Variants in ANKDD1B observed in about 807,000 individuals in gnomAD.
ANKDD1B encodes ankyrin repeat and death domain containing 1B.
In ANKDD1B, 57 loss-of-function variants were observed where a neutral mutation model predicts 59.7. That is an observed-to-expected ratio of 0.95 (90% confidence interval 0.77 to 1.19). The LOEUF (loss-of-function observed/expected upper bound fraction) is 1.19, where lower values mean the gene tolerates loss of function less well. Among genes scored for constraint, ANKDD1B ranks in the 50% most tolerant of loss-of-function variants. The pLI is 0.00. For missense variants in ANKDD1B, 602 were observed against 641.9 expected, an observed-to-expected ratio of 0.94 and a Z score of 0.67; for synonymous variants, 216 against 239.5, an observed-to-expected ratio of 0.90 and a Z score of 0.91.
chr5:75,629,129 C>A (rs943296817), intron 5 of ANKDD1B, among the ~76,000 whole-genome samples: 2 of 152,100 alleles, frequency 1.3e-5, no homozygotes, highest in Non-Finnish European at 2.9e-5. Context: ...GAGAAGACAC[C>A]TGTTTTCTTA....
At chr5:75,670,098 A>G (rs1409502660) in intron 13 of ANKDD1B, among the ~76,000 whole-genome samples, 1 of 152,212 alleles carries the variant, frequency 6.6e-6, no homozygotes, top group Non-Finnish European at 1.5e-5. Context: ...CAATGTGTGG[A>G]TACTTACCTT....
chr5:75,667,262 C>G (rs960660982), intron 12 of ANKDD1B, among the ~76,000 whole-genome samples: 3 of 152,116 alleles, frequency 2.0e-5, no homozygotes, highest in Non-Finnish European at 4.4e-5. Flanking sequence ...TGCATTTAGC[C>G]TAGAGAGACA....
chr5:75,670,267 A>C (rs1233837288), intron 13 of ANKDD1B, among the ~76,000 whole-genome samples: 2 of 152,222 alleles, frequency 1.3e-5, no homozygotes, highest in Non-Finnish European at 2.9e-5. Context: ...TCACTCTAGT[A>C]TATTGACTTT....
chr5:75,649,420 A>T (rs984780537), intron 7 of ANKDD1B, among the ~76,000 whole-genome samples: 1 of 152,110 alleles, frequency 6.6e-6, no homozygotes, highest in African/African-American at 2.4e-5. Context: ...AATGTCAATT[A>T]AATATTTATT....
intron 11 of ANKDD1B, among the ~76,000 whole-genome samples, chr5:75,664,886 T>C (rs1775266279): frequency 6.6e-6 from 1 of 152,070 alleles, no homozygotes; most frequent in South Asian, 2.1e-4. Flanking sequence ...GTGGGAGAAA[T>C]ACTTGTTTTT....
At chr5:75,631,214 G>A (rs116513541) in intron 5 of ANKDD1B, among the ~76,000 whole-genome samples, 1,623 of 152,306 alleles carry the variant, frequency 0.011, 38 homozygotes, top group African/African-American at 0.037. Context: ...TAGGGCACAA[G>A]ACCTTCATGT....
intron 11 of ANKDD1B, among the ~76,000 whole-genome samples, chr5:75,665,627 C>T (rs1313567962): frequency 6.6e-6 from 1 of 152,184 alleles, no homozygotes; most frequent in Non-Finnish European, 1.5e-5. Flanking sequence ...ATTCACACCT[C>T]CCATTCCTAT....
At chr5:75,650,561 G>T (rs932865002) in intron 7 of ANKDD1B, among the ~76,000 whole-genome samples, 37 of 152,060 alleles carry the variant, frequency 2.4e-4, no homozygotes, top group African/African-American at 7.5e-4. Flanking sequence ...TAATTTTATG[G>T]CAATGTCTTA....
chr5:75,657,863 C>T (rs1022979807), intron 9 of ANKDD1B, among the ~76,000 whole-genome samples: 6 of 150,972 alleles, frequency 4.0e-5, no homozygotes, highest in Non-Finnish European at 7.4e-5. Context: ...CACCACTGCA[C>T]TCCAGCCTGG....
chr5:75,628,772 C>T (rs1367482910), intron 5 of ANKDD1B, among the ~76,000 whole-genome samples: 1 of 152,074 alleles, frequency 6.6e-6, no homozygotes, highest in Non-Finnish European at 1.5e-5. Context: ...TGAGATTTCC[C>T]CCAACTCCAC....
rs534958595 is a variant in ANKDD1B at position 75,635,673 on chromosome 5, G to A, written c.700-111G>A. On this transcript the variant is annotated intron_variant, in intron 6 of 13. Coordinates refer to ENST00000601380, the MANE Select transcript of ANKDD1B (RefSeq NM_001276713.2). The stretch of plus-strand genomic sequence containing the variant: ...GATACAGTGGTCCACACTCTGGACC[G>A]CAGCTTTAACCAAAATGAAAACTTC... 7 of 594,382 alleles carry A rather than the reference G, an allele frequency of 1.2e-5. No homozygotes were observed. In the East Asian group the frequency reaches 1.2e-4, roughly 10 times the overall value. The allele number at this position is 594,382 out of a possible 1,614,324, so 36.8% of individuals were successfully genotyped here. A position where few individuals can be genotyped will look rare whatever the true frequency, so the allele number is the denominator to read the frequency against.
At chr5:75,627,445 C>A (rs753384133) in intron 5 of ANKDD1B, among the ~76,000 whole-genome samples, 2 of 152,164 alleles carry the variant, frequency 1.3e-5, no homozygotes, top group Non-Finnish European at 2.9e-5. Flanking sequence ...ATTGTAATAG[C>A]CACTGCTGAG....
intron 1 of ANKDD1B, among the ~76,000 whole-genome samples, chr5:75,613,745 A>T (rs1356211276): frequency 6.6e-6 from 1 of 152,100 alleles, no homozygotes; most frequent in African/African-American, 2.4e-5. Flanking sequence ...AATTTAAGAG[A>T]CCTGTTAGCA....
At chr5:75,618,431 C>T (rs1222414018) in intron 2 of ANKDD1B, among the ~76,000 whole-genome samples, 1 of 152,158 alleles carries the variant, frequency 6.6e-6, no homozygotes, top group Non-Finnish European at 1.5e-5. Context: ...AGAGATACTA[C>T]AATCTGATAT....
chr5:75,656,770 C>G (rs1015709359), intron 9 of ANKDD1B, among the ~76,000 whole-genome samples: 2 of 152,188 alleles, frequency 1.3e-5, no homozygotes, highest in Non-Finnish European at 2.9e-5. Flanking sequence ...GGAAGAGGAG[C>G]CTTTCCAGGG....
intron 5 of ANKDD1B, among the ~76,000 whole-genome samples, chr5:75,629,444 G>A (rs1310413283): frequency 6.6e-6 from 1 of 151,988 alleles, no homozygotes; most frequent in Non-Finnish European, 1.5e-5. Flanking sequence ...CACATCTCAG[G>A]GATCCCTGTG....
At chr5:75,662,624 T>C (rs1775186498) in intron 10 of ANKDD1B, among the ~76,000 whole-genome samples, 1 of 152,148 alleles carries the variant, frequency 6.6e-6, no homozygotes, top group South Asian at 2.1e-4. Context: ...TGGTGCACTC[T>C]ATGAAATCCA....
intron 8 of ANKDD1B, among the ~76,000 whole-genome samples, chr5:75,654,945 G>T (rs760024888): frequency 5.9e-5 from 9 of 151,890 alleles, no homozygotes; most frequent in Non-Finnish European, 7.4e-5. Flanking sequence ...CTGGTGCCCC[G>T]CCTCCCTCCC....
intron 1 of ANKDD1B, among the ~76,000 whole-genome samples, chr5:75,614,958 GGTGGACCAT>G (rs1165437001): frequency 2.0e-5 from 3 of 152,162 alleles, no homozygotes; most frequent in Non-Finnish European, 4.4e-5. Context: ...TGATTTCATA[GGTGGACCAT>G]GTGCTATGGT....
Sources: allele counts gnomAD v4.1 joint callset (sites outside exome capture counted in the v4.1 genomes callset), GRCh38; gene constraint gnomAD v4.1.1; transcripts MANE v1.5; gene names NCBI Gene and HGNC (gene_info 2026-07-23, HGNC 2026-07-21).